AK8: variants seen among roughly 807,000 people sequenced by gnomAD.
AK8 encodes ATP-AMP transphosphorylase 8.
Under a neutral mutation model 54.6 loss-of-function variants are expected in AK8, and 44 were observed. The observed-to-expected ratio is 0.81, with a 90% CI of 0.63 to 1.04. AK8 has a LOEUF of 1.04. Among genes scored for constraint, AK8 ranks in the 50% least tolerant of loss-of-function variants. AK8 has a pLI of 0.00. For missense variants in AK8, 555 were observed against 613.6 expected (o/e 0.90, Z 1.01); for synonymous variants, 239 against 245.6 (o/e 0.97, Z 0.25).
intron 9 of AK8, among the ~76,000 whole-genome samples, chr9:132,818,725 T>G (rs1399255729): frequency 6.6e-6 from 1 of 152,086 alleles, no homozygotes; most frequent in African/African-American, 2.4e-5. Context: ...TGAGGGCTCA[T>G]GCCTGTAACT....
chr9:132,823,875 C>CG (rs1448093666), intron 8 of AK8, among the ~76,000 whole-genome samples: 1 of 152,204 alleles, frequency 6.6e-6, no homozygotes, highest in East Asian at 1.9e-4. Context: ...CTAAAGGACT[C>CG]GAATTGGAGA....
intron 1 of AK8, among the ~76,000 whole-genome samples, chr9:132,876,136 G>A (rs903031043): frequency 2.6e-5 from 4 of 152,182 alleles, no homozygotes; most frequent in Non-Finnish European, 5.9e-5. Flanking sequence ...ACCGAGCCAT[G>A]AGAAGTCTTG....
intron 11 of AK8, among the ~76,000 whole-genome samples, chr9:132,740,234 A>T (rs60483805): frequency 6.6e-6 from 1 of 152,220 alleles, no homozygotes; most frequent in African/African-American, 2.4e-5. Flanking sequence ...CTGTGTTTAA[A>T]GCCAGGTGAT....
intron 11 of AK8, among the ~76,000 whole-genome samples, chr9:132,767,447 TG>T (rs1838771160): frequency 6.6e-6 from 1 of 150,934 alleles, no homozygotes; most frequent in Admixed American, 6.6e-5. Flanking sequence ...TAGCAAAAAT[TG>T]AAAAAAAAAA....
At chr9:132,767,913 A>T in intron 11 of AK8, among the ~76,000 whole-genome samples, 1 of 152,176 alleles carries the variant, frequency 6.6e-6, no homozygotes, top group East Asian at 1.9e-4. Context: ...AGTTGATCTC[A>T]TGGAGGTAGA....
At chr9:132,736,321 G>A (rs1246459299) in intron 11 of AK8, among the ~76,000 whole-genome samples, 2 of 151,704 alleles carry the variant, frequency 1.3e-5, no homozygotes, top group African/African-American at 4.8e-5. Flanking sequence ...CGAGTAGCTG[G>A]GATTACAGGT....
At chr9:132,839,224 G>A (rs1226577472) in intron 5 of AK8, among the ~76,000 whole-genome samples, 1 of 152,184 alleles carries the variant, frequency 6.6e-6, no homozygotes, top group East Asian at 1.9e-4. Context: ...GATTACAGGC[G>A]TGAGCCACCA....
chr9:132,732,957 G>A (rs1836922248), intron 11 of AK8, among the ~76,000 whole-genome samples: 1 of 152,120 alleles, frequency 6.6e-6, no homozygotes, highest in Non-Finnish European at 1.5e-5. Context: ...TCTCCTTCGA[G>A]GCCAGCTTCT....
intron 5 of AK8, among the ~76,000 whole-genome samples, chr9:132,854,474 C>A (rs1051773780): frequency 1.1e-4 from 16 of 152,182 alleles, no homozygotes; most frequent in African/African-American, 3.9e-4. Flanking sequence ...GGCAGGAGAT[C>A]AAAGGATAGG....
intron 5 of AK8, among the ~76,000 whole-genome samples, chr9:132,833,128 C>T (rs1175889867): frequency 6.6e-6 from 1 of 152,208 alleles, no homozygotes; most frequent in African/African-American, 2.4e-5. Context: ...CTTGACCAAA[C>T]CTCTGTTGAA....
At chr9:132,756,940 G>C (rs1202251440) in intron 11 of AK8, among the ~76,000 whole-genome samples, 1 of 151,926 alleles carries the variant, frequency 6.6e-6, no homozygotes, top group Non-Finnish European at 1.5e-5. Context: ...GTTTCACAAA[G>C]CCATTTCCCC....
chr9:132,810,181 A>G (rs1471044465), intron 10 of AK8, among the ~76,000 whole-genome samples: 1 of 152,242 alleles, frequency 6.6e-6, no homozygotes, highest in Non-Finnish European at 1.5e-5. Context: ...TTAGGGAGAT[A>G]TGATATTGGT....
At chr9:132,857,050 G>A (rs568528866) in intron 4 of AK8, among the ~76,000 whole-genome samples, 1 of 152,164 alleles carries the variant, frequency 6.6e-6, no homozygotes, top group Non-Finnish European at 1.5e-5. Flanking sequence ...GGAAAAAGGA[G>A]ACCAGAGAGG....
chr9:132,744,548 A>C (rs766048961), intron 11 of AK8, among the ~76,000 whole-genome samples: 2 of 152,186 alleles, frequency 1.3e-5, no homozygotes, highest in East Asian at 3.8e-4. Context: ...TACAGACCGA[A>C]GGGGAAAAAC....
chr9:132,743,954 T>C (rs1162671788), intron 11 of AK8, among the ~76,000 whole-genome samples: 1 of 152,194 alleles, frequency 6.6e-6, no homozygotes, highest in Non-Finnish European at 1.5e-5. Context: ...TTCCCTGAAG[T>C]TGGCGGAGCC....
chr9:132,767,175 C>A (rs1838758808), intron 11 of AK8, among the ~76,000 whole-genome samples: 1 of 152,114 alleles, frequency 6.6e-6, no homozygotes, highest in Admixed American at 6.5e-5. Context: ...AAGGAAACAA[C>A]AGAGTGAAGA....
intron 11 of AK8, among the ~76,000 whole-genome samples, chr9:132,731,351 T>C (rs1836836709): frequency 6.6e-6 from 1 of 152,104 alleles, no homozygotes; most frequent in Admixed American, 6.6e-5. Context: ...ATGAAGGAGC[T>C]CCTAGCAACG....
At chr9:132,760,630 G>C (rs1041445351) in intron 11 of AK8, among the ~76,000 whole-genome samples, 1 of 152,084 alleles carries the variant, frequency 6.6e-6, no homozygotes, top group Non-Finnish European at 1.5e-5. Context: ...TAGAAATGAT[G>C]ATGGGGGAAT....
At chr9:132,776,518 A>G (rs1438642250) in intron 11 of AK8, among the ~76,000 whole-genome samples, 1 of 152,234 alleles carries the variant, frequency 6.6e-6, no homozygotes, top group Non-Finnish European at 1.5e-5. Context: ...TGGCACAGGA[A>G]GGCAGCCTGC....
Sources: allele counts gnomAD v4.1 joint callset (sites outside exome capture counted in the v4.1 genomes callset), GRCh38; gene constraint gnomAD v4.1.1; transcripts MANE v1.5; gene names NCBI Gene and HGNC (gene_info 2026-07-23, HGNC 2026-07-21).